Variants in RASAL2 observed in about 807,000 individuals in gnomAD.
RASAL2 encodes the protein ras GTPase-activating protein nGAP.
A neutral mutation model predicts 128.9 loss-of-function variants in RASAL2; 58 were observed. That is an observed-to-expected ratio of 0.45 (90% CI 0.36 to 0.56). The LOEUF (loss-of-function observed/expected upper bound fraction) is 0.56. RASAL2 is among the 20% of genes least tolerant of loss of function. The pLI is 0.00. For synonymous variants in RASAL2, 561 were observed against 580.8 expected, an observed-to-expected ratio of 0.97 and a Z score of 0.49; for missense variants, 1,360 against 1,601.6, an observed-to-expected ratio of 0.85 and a Z score of 2.57.
Position 178,433,044 on chromosome 1 carries a change from C to G in RASAL2, c.675-6378C>G, listed in dbSNP as rs550660655. On this transcript the variant is annotated intron_variant, in intron 5 of 17. Transcript: ENST00000367649. ...ACACATGACTACAAGTCTGTGATCTCTCTCAAACGTCATTATTCACCAGGC... is the reference window on the plus strand; with the variant it reads ...ACACATGACTACAAGTCTGTGATCTGTCTCAAACGTCATTATTCACCAGGC... Among the ~76,000 whole-genome samples, 59 of 152,186 alleles carry G rather than the reference C, an allele frequency of 3.9e-4. No homozygotes were observed. The South Asian group carries it at 0.012, about 31-fold the overall frequency.
Position 178,390,870 on chromosome 1 carries a change from GT to G in RASAL2, c.564+674del, listed in dbSNP as rs927638383. On this transcript the variant is annotated intron_variant, in intron 4 of 17. Transcript: ENST00000367649. ...AATTCTGTAAAGAATCTGGTGGCAGGTTTTTTTTTTAGGAACGGGATGTGGT... is the reference window on the plus strand; with the variant it reads ...AATTCTGTAAAGAATCTGGTGGCAGGTTTTTTTTTAGGAACGGGATGTGGT... Among the ~76,000 whole-genome samples the G allele has an allele frequency of 2.8e-3, 416 of 147,424 alleles. 2 individuals are homozygous for G. The highest frequency in any genetic ancestry group is 5.5e-3 in the East Asian group (28 of 5,094).
intron 3 of RASAL2, among the ~76,000 whole-genome samples, chr1:178,353,388 C>T (rs961240817): frequency 3.9e-5 from 6 of 152,194 alleles, no homozygotes; most frequent in Admixed American, 3.3e-4. Context: ...GGCAGAAGGC[C>T]ACCAGGTTCT....
At chr1:178,160,818 G>A (rs76233263) in intron 1 of RASAL2, among the ~76,000 whole-genome samples, 3,217 of 152,248 alleles carry the variant, frequency 0.021, 50 homozygotes, top group Middle Eastern at 0.048. Context: ...AGAGAAGGGG[G>A]ATGGAGTAGT....
At chr1:178,199,396 G>T (rs1281439221) in intron 1 of RASAL2, among the ~76,000 whole-genome samples, 1 of 152,166 alleles carries the variant, frequency 6.6e-6, no homozygotes, top group Non-Finnish European at 1.5e-5. Context: ...GATCATGCTA[G>T]GAGCTGCAGA....
Position 178,094,545 on chromosome 1 carries a change from A to T in RASAL2, c.53A>T (p.Glu18Val). 6.3e-7 allele frequency: 1 copy of T among 1,588,062 alleles called. No individual in the cohort carries two copies. The highest frequency in any genetic ancestry group is 1.8e-5 in the Admixed American group (1 of 56,036). Residue 18 changes from glutamate (E) to valine (V), a missense_variant, in exon 1 of 18, where the codon GAG (glutamate) becomes GTG (valine). Glu to Val is a moderately radical substitution (Grantham distance 121). This residue lies in a region of RASAL2 where 617 missense variants were observed against 714.2 expected (regional missense o/e 0.86). Transcript: ENST00000367649. ...GGAAEALSWP[E>V]MFPALESDSP... ...GCCGCGGAGGCGCTGTCCTGGCCGGAGATGTTCCCGGCGCTGGAGTCCGAC... is the reference window on the plus strand; with the variant it reads ...GCCGCGGAGGCGCTGTCCTGGCCGGTGATGTTCCCGGCGCTGGAGTCCGAC...
intron 5 of RASAL2, among the ~76,000 whole-genome samples, chr1:178,430,069 A>C (rs1675785152): frequency 6.6e-6 from 1 of 152,142 alleles, no homozygotes. Context: ...CCTCCAGGAT[A>C]CAATCTTTGT....
At chr1:178,447,895 G>A (rs972971591) in intron 9 of RASAL2, among the ~76,000 whole-genome samples, 1 of 152,032 alleles carries the variant, frequency 6.6e-6, no homozygotes. Flanking sequence ...GGGATGATGA[G>A]ATTCTTAACA....
intron 3 of RASAL2, among the ~76,000 whole-genome samples, chr1:178,348,999 A>G (rs1571904069): frequency 6.6e-6 from 1 of 150,768 alleles, no homozygotes; most frequent in South Asian, 2.1e-4. Flanking sequence ...CGGGCTTTCA[A>G]CGTGTTAGCC....
At chr1:178,332,939 T>C (rs2102375925) in intron 3 of RASAL2, among the ~76,000 whole-genome samples, 1 of 152,064 alleles carries the variant, frequency 6.6e-6, no homozygotes, top group African/African-American at 2.4e-5. Flanking sequence ...TATTCCTGTC[T>C]AATTTCTCTG....
chr1:178,158,220 AACGGAGG>A (rs1195947796), intron 1 of RASAL2, among the ~76,000 whole-genome samples: 6 of 152,264 alleles, frequency 3.9e-5, no homozygotes, highest in African/African-American at 1.2e-4. Flanking sequence ...GCTTTAAAAG[AACGGAGG>A]ATGTGCATCA....
intron 1 of RASAL2, among the ~76,000 whole-genome samples, chr1:178,106,166 A>T (rs2102233132): frequency 6.6e-6 from 1 of 152,278 alleles, no homozygotes; most frequent in South Asian, 2.1e-4. Context: ...TCTTGTAATG[A>T]AATTTTTTTA....
In RASAL2 at chr1:178,477,436, CTT is replaced by C. The variant is rs1648755322; in HGVS notation, c.*4198_*4199del. The C allele has an allele frequency of 1.3e-5, 2 of 152,080 alleles. No individual in the cohort carries two copies. Among genetic ancestry groups the C allele is most frequent in the African/African-American group, 4.8e-5 (2 of 41,376 alleles). The allele number at this position is 152,080 out of a possible 1,614,324, so 9.4% of individuals were successfully genotyped here. A position where few individuals can be genotyped will look rare whatever the true frequency, so the allele number is the denominator to read the frequency against. The stretch of plus-strand genomic sequence containing the variant: ...TTGTCATGACCCGATTATGTATACT[CTT>C]GGGTTTAGGAAGGACAAAAGTGATG... On this transcript the variant is annotated 3_prime_UTR_variant, in exon 18 of 18. Coordinates refer to ENST00000367649, the MANE Select transcript of RASAL2 (RefSeq NM_170692.4).
In RASAL2 at chr1:178,420,594, T is replaced by C; in HGVS notation, c.648T>C (p.Leu216=). 1 of 1,611,612 alleles carries C rather than the reference T, an allele frequency of 6.2e-7. No homozygotes were observed. The part of the protein sequence containing the change: ...SKLDRNTSFR[L]PSLRSTDDRS... ...TTGACAGAAACACGAGCTTTCGGCT[T>C]CCATCCCTTCGCAGTACAGATGACA... The change falls in exon 5 of 18, where the codon CTT becomes CTC. Residue 216 remains leucine (L), a synonymous_variant. Coordinates refer to ENST00000367649, the MANE Select transcript of RASAL2 (RefSeq NM_170692.4).
chr1:178,161,958 T>A (rs577036916), intron 1 of RASAL2, among the ~76,000 whole-genome samples: 509 of 150,502 alleles, frequency 3.4e-3, no homozygotes, highest in Non-Finnish European at 5.6e-3. Flanking sequence ...ATTTATTTAT[T>A]TTTATTTATT....
chr1:178,197,425 G>A (rs949217246), intron 1 of RASAL2, among the ~76,000 whole-genome samples: 3 of 151,828 alleles, frequency 2.0e-5, no homozygotes, highest in African/African-American at 7.3e-5. Flanking sequence ...TTGGACTCCA[G>A]CATGAGCGAC....
intron 3 of RASAL2, among the ~76,000 whole-genome samples, chr1:178,389,892 C>T (rs1672792757): frequency 6.6e-6 from 1 of 152,128 alleles, no homozygotes; most frequent in Non-Finnish European, 1.5e-5. Flanking sequence ...TAAACTGTCA[C>T]ACTAAAGCAG....
intron 1 of RASAL2, among the ~76,000 whole-genome samples, chr1:178,110,940 T>A (rs1287716086): frequency 6.6e-6 from 1 of 152,042 alleles, no homozygotes; most frequent in Non-Finnish European, 1.5e-5. Flanking sequence ...TTTTTTATAG[T>A]TGTGTTTTTT....
intron 3 of RASAL2, among the ~76,000 whole-genome samples, chr1:178,386,604 CT>C (rs1053328775): frequency 6.6e-6 from 1 of 151,772 alleles, no homozygotes; most frequent in African/African-American, 2.4e-5. Context: ...TTTTATAACT[CT>C]TTTTGCCTTT....
chr1:178,257,423 A>G lies in RASAL2; in HGVS notation c.203-26141A>G, dbSNP rs1009139865. 2.1e-3 allele frequency among the ~76,000 whole-genome samples: 304 copies of G among 147,242 alleles called. 2 individuals carry two copies. Among genetic ancestry groups the G allele is most frequent in the African/African-American group, 6.4e-3 (257 of 39,908 alleles). On this transcript the variant is annotated intron_variant, in intron 1 of 17. Transcript: ENST00000367649. ...GACAGTGTGGTGCTGGCTCAGGGAT[A>G]TGTGTGTGTGTGTGTGTGTGTGTGT...
Sources: gnomAD v4.1 joint callset for allele counts (sites outside exome capture counted in the v4.1 genomes callset) on GRCh38, gnomAD v4.1.1 for gene constraint, gnomAD v4.1.1 regional missense constraint, MANE v1.5 for transcripts, NCBI Gene and HGNC (gene_info 2026-07-23, HGNC 2026-07-21) for gene names.